Variants in CCDC7 observed in about 807,000 individuals in gnomAD.
CCDC7 encodes coiled-coil domain containing 7, also known as coiled-coil domain-containing protein 7.
CCDC7 carries 183 observed loss-of-function variants against 196.9 expected under a neutral mutation model. The observed-to-expected ratio is 0.93, with a 90% confidence interval of 0.82 to 1.05. The LOEUF is 1.05. CCDC7 is among the 50% of genes least tolerant of loss of function. The probability of loss-of-function intolerance (pLI) is 0.00; values close to 1 mark genes in which losing one functional copy is unlikely to be tolerated. For missense variants in CCDC7, 1,540 were observed against 1,482.2 expected (o/e 1.04, Z -0.64); for synonymous variants, 525 against 484.6 (o/e 1.08, Z -1.10).
rs754728035 is a variant in CCDC7 at position 32,565,565 on chromosome 10, C to T, written c.1142C>T (p.Ala381Val). The T allele has an allele frequency of 4.6e-5, 74 of 1,607,914 alleles. No individual in the cohort carries two copies. Among genetic ancestry groups the T allele is most frequent in the Non-Finnish European group, 6.2e-5 (73 of 1,176,388 alleles). Residue 381 changes from alanine to valine, a missense_variant, in exon 14 of 42, where the codon GCA (alanine) becomes GTA (valine). Transcript: ENST00000639629. ...CCCCTTCTTACTTCCTAGAAAGTAG[C>T]ACGTCTGGAAATTGAGAACAAAGTC...
intron 30 of CCDC7, among the ~76,000 whole-genome samples, chr10:32,811,899 G>T (rs374248513): frequency 6.6e-6 from 1 of 152,134 alleles, no homozygotes; most frequent in African/African-American, 2.4e-5. Flanking sequence ...TCCCACGGAT[G>T]TAAGGGTGGT....
At chr10:32,545,764 G>A (rs2052332978) in intron 13 of CCDC7, among the ~76,000 whole-genome samples, 1 of 152,008 alleles carries the variant, frequency 6.6e-6, no homozygotes, top group Non-Finnish European at 1.5e-5. Context: ...AAATTAGCTG[G>A]GCATGGTGGC....
chr10:32,749,655 GTCTT>G (rs2075364513), intron 28 of CCDC7, among the ~76,000 whole-genome samples: 1 of 152,090 alleles, frequency 6.6e-6, no homozygotes, highest in Admixed American at 6.5e-5. Context: ...TATATAGTTT[GTCTT>G]TCTTTTATAG....
intron 8 of CCDC7, among the ~76,000 whole-genome samples, chr10:32,491,653 G>T (rs550144968): frequency 1.3e-5 from 2 of 152,204 alleles, no homozygotes; most frequent in East Asian, 3.9e-4. Context: ...CTTTGAGCCT[G>T]AACTTCTTTA....
chr10:32,524,830 A>T (rs990355894), intron 11 of CCDC7, among the ~76,000 whole-genome samples: 28 of 151,474 alleles, frequency 1.8e-4, no homozygotes, highest in African/African-American at 6.8e-4. Flanking sequence ...TATCTTTGGG[A>T]GTCTGATTGT....
intron 18 of CCDC7, among the ~76,000 whole-genome samples, chr10:32,610,730 T>C (rs2062029787): frequency 6.6e-6 from 1 of 152,198 alleles, no homozygotes; most frequent in Non-Finnish European, 1.5e-5. Flanking sequence ...TCTTCATCCA[T>C]GTAACTGCAA....
At chr10:32,835,736 A>G (rs1421625750) in intron 33 of CCDC7, among the ~76,000 whole-genome samples, 1 of 152,070 alleles carries the variant, frequency 6.6e-6, no homozygotes, top group Non-Finnish European at 1.5e-5. Context: ...AATGGGTACT[A>G]GGCTTAATAC....
chr10:32,704,810 G>T (rs7083131), intron 24 of CCDC7, among the ~76,000 whole-genome samples: 12,832 of 152,208 alleles, frequency 0.084, 852 homozygotes, highest in East Asian at 0.33. Context: ...CACTCTCCGA[G>T]CCAGGCGCGG....
intron 18 of CCDC7, among the ~76,000 whole-genome samples, chr10:32,607,275 TA>T (rs747441348): frequency 1.4e-4 from 22 of 152,192 alleles, no homozygotes; most frequent in Non-Finnish European, 3.1e-4. Flanking sequence ...GTGAGCCAAT[TA>T]AACTTCTTTT....
At chr10:32,736,040 G>A (rs1230518100) in intron 28 of CCDC7, among the ~76,000 whole-genome samples, 3 of 152,046 alleles carry the variant, frequency 2.0e-5, no homozygotes, top group African/African-American at 7.2e-5. Flanking sequence ...TTCATCAATA[G>A]CATACTGTCT....
At chr10:32,622,741 G>A (rs1013678248) in intron 18 of CCDC7, among the ~76,000 whole-genome samples, 1 of 151,954 alleles carries the variant, frequency 6.6e-6, no homozygotes, top group East Asian at 1.9e-4. Context: ...ATTGAGCACC[G>A]CTAAATGTCC....
intron 29 of CCDC7, among the ~76,000 whole-genome samples, chr10:32,784,000 G>T (rs2081428195): frequency 6.6e-6 from 1 of 152,178 alleles, no homozygotes; most frequent in African/African-American, 2.4e-5. Context: ...GGCTAATAGG[G>T]AGTTATTGCT....
At chr10:32,591,372 G>T (rs1231446719) in intron 18 of CCDC7, among the ~76,000 whole-genome samples, 1 of 151,434 alleles carries the variant, frequency 6.6e-6, no homozygotes, top group Non-Finnish European at 1.5e-5. Context: ...CTAGAATTAG[G>T]GAAAACTTAA....
chr10:32,495,428 C>G (rs1050902930), intron 9 of CCDC7, among the ~76,000 whole-genome samples: 1 of 152,110 alleles, frequency 6.6e-6, no homozygotes, highest in Non-Finnish European at 1.5e-5. Flanking sequence ...GCTTCTGTTG[C>G]CATTGTTTTT....
Position 32,834,829 on chromosome 10 carries a change from C to T in CCDC7, c.3283C>T (p.His1095Tyr), listed in dbSNP as rs200088472. 1.1e-4 allele frequency: 162 copies of T among 1,435,144 alleles called. 1 individual carries two copies. The highest frequency in any genetic ancestry group is 1.1e-3 in the Middle Eastern group (6 of 5,564). The allele number at this position is 1,435,144 out of a possible 1,614,324, so 88.9% of individuals were successfully genotyped here. Residue 1095 changes from histidine (H) to tyrosine (Y), a missense_variant, in exon 33 of 42, where the codon CAC becomes TAC. Physicochemically the swap from His to Tyr is moderately conservative, Grantham distance 83. Coordinates refer to ENST00000639629, the Ensembl canonical transcript of CCDC7. ...TATTTTTATAGAGACTGTCTTAAAA[C>T]ACTTGAAAGGTGTTAATGGAAAAGA...
intron 41 of CCDC7, among the ~76,000 whole-genome samples, chr10:32,863,973 A>G (rs1464831885): frequency 6.7e-6 from 1 of 148,646 alleles, no homozygotes; most frequent in Non-Finnish European, 1.5e-5. Flanking sequence ...ATGAAAAGGC[A>G]ACCTACTGAC....
At chr10:32,809,705 A>T (rs919619440) in intron 30 of CCDC7, among the ~76,000 whole-genome samples, 1 of 152,300 alleles carries the variant, frequency 6.6e-6, no homozygotes, top group Admixed American at 6.5e-5. Context: ...TTAGAATGGC[A>T]ATCATTAAAA....
exon 19 of CCDC7, chr10:32,634,293 A>G (rs2065287099): frequency 8.2e-7 from 1 of 1,220,104 alleles, no homozygotes; most frequent in Admixed American, 4.2e-5. Flanking sequence ...ATGGTTGAAA[A>G]TAAAGATTCA....
At chr10:32,657,027 T>G (rs2070063483) in intron 20 of CCDC7, among the ~76,000 whole-genome samples, 1 of 152,250 alleles carries the variant, frequency 6.6e-6, no homozygotes, top group African/African-American at 2.4e-5. Flanking sequence ...CAAAATGATC[T>G]TCTTTGACTT....
Sources: allele counts gnomAD v4.1 joint callset (sites outside exome capture counted in the v4.1 genomes callset), GRCh38; gene constraint gnomAD v4.1.1; transcripts MANE v1.5; gene names NCBI Gene and HGNC (gene_info 2026-07-23, HGNC 2026-07-21).